Variants in SNTG1 observed in about 807,000 individuals in gnomAD.
SNTG1 encodes the protein syntrophin gamma 1.
A neutral mutation model predicts 74.7 loss-of-function variants in SNTG1; 39 were observed. That is an observed-to-expected ratio of 0.52 (90% CI 0.40 to 0.68). SNTG1 has a LOEUF of 0.68. SNTG1 is among the 30% of genes least tolerant of loss of function. SNTG1 has a pLI of 0.00. For missense variants in SNTG1, 685 were observed against 609.5 expected (o/e 1.12, Z -1.30); for synonymous variants, 254 against 217.1 (o/e 1.17, Z -1.49).
chr8:50,288,275 C>A (rs1419019638), intron 2 of SNTG1, among the ~76,000 whole-genome samples: 1 of 152,074 alleles, frequency 6.6e-6, no homozygotes, highest in Non-Finnish European at 1.5e-5. Context: ...ACAAAGATTT[C>A]CCTCCATATT....
intron 1 of SNTG1, among the ~76,000 whole-genome samples, chr8:49,930,038 A>T (rs1261712451): frequency 6.6e-6 from 1 of 152,124 alleles, no homozygotes; most frequent in Non-Finnish European, 1.5e-5. Flanking sequence ...CCTTATAGGC[A>T]TTGAAGTAAT....
chr8:50,705,806 A>C (rs1315584544), intron 16 of SNTG1, among the ~76,000 whole-genome samples: 1 of 152,226 alleles, frequency 6.6e-6, no homozygotes, highest in African/African-American at 2.4e-5. Context: ...TCACAAGACC[A>C]TTGAACAAAA....
chr8:49,947,629 G>A (rs1809319513), intron 1 of SNTG1, among the ~76,000 whole-genome samples: 1 of 152,144 alleles, frequency 6.6e-6, no homozygotes, highest in African/African-American at 2.4e-5. Context: ...AGTGACAATT[G>A]GTAACAAGTT....
intron 2 of SNTG1, among the ~76,000 whole-genome samples, chr8:50,208,203 G>A (rs950311004): frequency 5.3e-5 from 8 of 152,144 alleles, no homozygotes; most frequent in Non-Finnish European, 1.2e-4. Flanking sequence ...GGGAGTCTAA[G>A]TCTCTTTGTA....
At chr8:50,551,340 C>T (rs1035289730) in intron 11 of SNTG1, among the ~76,000 whole-genome samples, 9 of 151,996 alleles carry the variant, frequency 5.9e-5, no homozygotes, top group African/African-American at 1.7e-4. Context: ...AAAGATCAGC[C>T]CCTCAGAATT....
intron 1 of SNTG1, among the ~76,000 whole-genome samples, chr8:49,934,226 C>A (rs934265432): frequency 6.6e-6 from 1 of 151,950 alleles, no homozygotes; most frequent in Non-Finnish European, 1.5e-5. Context: ...CCTTTCCTTG[C>A]AGCAAGCATC....
At chr8:50,237,139 CT>C (rs1201345059) in intron 2 of SNTG1, among the ~76,000 whole-genome samples, 3 of 151,104 alleles carry the variant, frequency 2.0e-5, no homozygotes, top group Admixed American at 6.6e-5. Flanking sequence ...ATTTTTTTAC[CT>C]TTTTTTTTCT....
chr8:50,059,172 A>G (rs964541674), intron 1 of SNTG1, among the ~76,000 whole-genome samples: 1 of 152,118 alleles, frequency 6.6e-6, no homozygotes. Flanking sequence ...GGTTGTTTCT[A>G]CTTTTTGGCT....
chr8:50,670,629 A>G (rs1370706404), intron 15 of SNTG1, among the ~76,000 whole-genome samples: 3 of 142,388 alleles, frequency 2.1e-5, no homozygotes, highest in African/African-American at 2.7e-5. Context: ...AAGGTAATTT[A>G]TAGATTCAAT....
intron 2 of SNTG1, among the ~76,000 whole-genome samples, chr8:50,250,181 A>G (rs190503246): frequency 5.9e-4 from 89 of 152,040 alleles, no homozygotes; most frequent in Non-Finnish European, 1.5e-4. Context: ...ATAAAAATAC[A>G]ATAGAGAGTT....
chr8:50,704,914 C>T (rs926811773), intron 16 of SNTG1, among the ~76,000 whole-genome samples, 162 bp downstream of exon 16: 1 of 152,262 alleles, frequency 6.6e-6, no homozygotes, highest in East Asian at 1.9e-4. Context: ...ACTAGTAATA[C>T]AGCTCTGAAT....
chr8:50,312,209 T>C (rs1563881331), intron 2 of SNTG1, among the ~76,000 whole-genome samples: 2 of 152,128 alleles, frequency 1.3e-5, no homozygotes, highest in African/African-American at 4.8e-5. Context: ...GTGAATATTA[T>C]CTGGGATTTC....
chr8:50,135,200 C>T (rs2081434162), intron 1 of SNTG1, among the ~76,000 whole-genome samples: 2 of 152,154 alleles, frequency 1.3e-5, no homozygotes, highest in Non-Finnish European at 1.5e-5. Context: ...TATTCATCCC[C>T]TTACCAATAC....
intron 18 of SNTG1, among the ~76,000 whole-genome samples, chr8:50,761,437 C>T (rs114308844): frequency 4.4e-4 from 67 of 151,984 alleles, no homozygotes; most frequent in African/African-American, 1.6e-3. Flanking sequence ...ATATGCTGCT[C>T]AGTCACCCCC....
chr8:49,955,647 C>T (rs1052526326), intron 1 of SNTG1, among the ~76,000 whole-genome samples: 1 of 152,174 alleles, frequency 6.6e-6, no homozygotes, highest in African/African-American at 2.4e-5. Flanking sequence ...TGTTAACTCA[C>T]CAGAAAGGGA....
In SNTG1 at chr8:49,976,888, C is replaced by T. The variant is rs533275744; in HGVS notation, c.-103+64657C>T. ...TTTGATTTTGAAGAGATCATTCTGG[C>T]TACTATGTGCAGAAACGAATCATAG... On this transcript the variant is annotated intron_variant, in intron 1 of 18. Coordinates refer to ENST00000642720, the MANE Select transcript of SNTG1 (RefSeq NM_018967.5). Among the ~76,000 whole-genome samples the T allele has an allele frequency of 5.4e-4, 82 of 152,246 alleles. 1 individual carries two copies. In the Middle Eastern group the frequency reaches 0.01, roughly 19 times the overall value.
chr8:50,468,463 G>A (rs2093626809), intron 8 of SNTG1, among the ~76,000 whole-genome samples: 1 of 151,800 alleles, frequency 6.6e-6, no homozygotes, highest in African/African-American at 2.4e-5. Flanking sequence ...ATCTCCTCCA[G>A]CTACCTTCAT....
chr8:50,182,042 A>G (rs1395868381), intron 2 of SNTG1, among the ~76,000 whole-genome samples: 1 of 152,216 alleles, frequency 6.6e-6, no homozygotes, highest in Non-Finnish European at 1.5e-5. Context: ...GTTACAGTAT[A>G]TAATGTATGA....
chr8:50,460,644 C>G (rs2093552522), intron 8 of SNTG1, among the ~76,000 whole-genome samples: 1 of 152,104 alleles, frequency 6.6e-6, no homozygotes, highest in Non-Finnish European at 1.5e-5. Flanking sequence ...TTTGATACAT[C>G]TTGAGTTAAT....
Sources: gnomAD v4.1 joint callset for allele counts (sites outside exome capture counted in the v4.1 genomes callset) on GRCh38, gnomAD v4.1.1 for gene constraint, MANE v1.5 for transcripts, NCBI Gene and HGNC (gene_info 2026-07-23, HGNC 2026-07-21) for gene names.